The following HDAC9 variants were observed in gnomAD, a reference collection of about 807,000 sequenced individuals.
HDAC9 encodes the protein histone deacetylase 9.
A neutral mutation model predicts 139.4 loss-of-function variants in HDAC9; 41 were observed. The ratio of observed to expected loss-of-function variants is 0.29; its 90% CI spans 0.23 to 0.38. HDAC9 has a LOEUF of 0.38. Ranked by LOEUF, HDAC9 falls within the 10% of genes least tolerant of loss-of-function variation. The pLI is 1.00. For synonymous variants in HDAC9, 517 were observed against 476.2 expected (o/e 1.09, Z -1.12); for missense variants, 1,147 against 1,297.0 (o/e 0.88, Z 1.78).
At chr7:18,944,341 G>A (rs1420853875) in intron 23 of HDAC9, among the ~76,000 whole-genome samples, 1 of 152,126 alleles carries the variant, frequency 6.6e-6, no homozygotes, top group Non-Finnish European at 1.5e-5. Flanking sequence ...GTTGCAGGGG[G>A]ACTTTCAGCT....
At chr7:18,610,802 A>G (rs987453139) in intron 6 of HDAC9, among the ~76,000 whole-genome samples, 2 of 152,210 alleles carry the variant, frequency 1.3e-5, no homozygotes, top group African/African-American at 4.8e-5. Context: ...GCCCCAAAAC[A>G]GTGATGTTGA....
At chr7:18,688,468 AT>A (rs976793198) in intron 12 of HDAC9, among the ~76,000 whole-genome samples, 24 of 151,878 alleles carry the variant, frequency 1.6e-4, no homozygotes, top group Admixed American at 1.2e-3. Flanking sequence ...TTTTAGAAAT[AT>A]TTTTACATAT....
chr7:18,650,789 A>T (rs1161248809), intron 11 of HDAC9, among the ~76,000 whole-genome samples: 2 of 152,184 alleles, frequency 1.3e-5, no homozygotes, highest in Non-Finnish European at 2.9e-5. Flanking sequence ...TAATTAGGCA[A>T]AATGAAGACC....
chr7:18,643,413 C>G (rs544327413), intron 8 of HDAC9, among the ~76,000 whole-genome samples: 1 of 152,196 alleles, frequency 6.6e-6, no homozygotes, highest in South Asian at 2.1e-4. Flanking sequence ...TAAGAAGTAA[C>G]AAAATCTGAA....
At chr7:18,677,646 G>A (rs961010564) in intron 12 of HDAC9, among the ~76,000 whole-genome samples, 4 of 151,732 alleles carry the variant, frequency 2.6e-5, no homozygotes, top group African/African-American at 4.8e-5. Flanking sequence ...TGATATTGTC[G>A]GGTTTTTCTA....
intron 2 of HDAC9, among the ~76,000 whole-genome samples, chr7:18,541,646 G>A (rs995757401): frequency 3.3e-5 from 5 of 152,062 alleles, no homozygotes; most frequent in East Asian, 1.9e-4. Context: ...AAATATTTTT[G>A]TTGGAACAGA....
At chr7:18,366,279 C>T (rs1474621755) in intron 1 of HDAC9, among the ~76,000 whole-genome samples, 4 of 152,126 alleles carry the variant, frequency 2.6e-5, no homozygotes, top group Admixed American at 2.0e-4. Flanking sequence ...AGTGGAGGTT[C>T]TGTCACAAAC....
intron 2 of HDAC9, among the ~76,000 whole-genome samples, chr7:18,238,877 G>A (rs375072081): frequency 3.3e-5 from 5 of 152,320 alleles, no homozygotes; most frequent in African/African-American, 9.6e-5. Context: ...TTAGGGAGGT[G>A]TGGAACAGAC....
intron 2 of HDAC9, among the ~76,000 whole-genome samples, chr7:18,163,355 A>G (rs1298827124): frequency 6.6e-6 from 1 of 152,236 alleles, no homozygotes; most frequent in South Asian, 2.1e-4. Flanking sequence ...TCACTAGGTT[A>G]GGCAGATGGC....
At chr7:18,816,613 G>A (rs142017956) in intron 17 of HDAC9, among the ~76,000 whole-genome samples, 153 of 152,324 alleles carry the variant, frequency 1.0e-3, no homozygotes, top group African/African-American at 3.5e-3. Flanking sequence ...TGATGCAGGA[G>A]GAAAGACTTC....
At position 18,960,009 on chromosome 7, in the gene HDAC9, AACAC is replaced by A. The variant is rs58030908; in HGVS notation, c.3022+5809_3022+5812del. Reference sequence around the variant, plus strand: ...GTATAGCTAATCCTCTGTTGTTTTAAACACACACACACACACACACACACACACA... The same window carrying A: ...GTATAGCTAATCCTCTGTTGTTTTAAACACACACACACACACACACACACA... On this transcript the variant is annotated intron_variant, in intron 24 of 25. Coordinates refer to ENST00000686413, the MANE Select transcript of HDAC9 (RefSeq NM_178425.4). Among the ~76,000 whole-genome samples, 1,413 of 149,014 alleles carry A rather than the reference AACAC, an allele frequency of 9.5e-3. 15 individuals are homozygous for A. Among genetic ancestry groups the A allele is most frequent in the South Asian group, 0.024 (114 of 4,710 alleles).
At chr7:18,810,908 T>C (rs991340835) in intron 17 of HDAC9, among the ~76,000 whole-genome samples, 8 of 151,884 alleles carry the variant, frequency 5.3e-5, no homozygotes, top group African/African-American at 1.9e-4. Context: ...CATTCTAGTT[T>C]TGGGCTATGA....
intron 21 of HDAC9, among the ~76,000 whole-genome samples, chr7:18,843,347 C>A (rs1488655080): frequency 1.3e-5 from 2 of 151,996 alleles, no homozygotes; most frequent in African/African-American, 4.8e-5. Context: ...TATTGTGGAG[C>A]ATTTTAAGGC....
chr7:18,600,922 C>T (rs1315105770), intron 6 of HDAC9, among the ~76,000 whole-genome samples: 3 of 152,118 alleles, frequency 2.0e-5, no homozygotes, highest in Non-Finnish European at 4.4e-5. Flanking sequence ...CCCGCCTCAG[C>T]CTCCTGAGTA....
intron 2 of HDAC9, among the ~76,000 whole-genome samples, chr7:18,210,332 A>G (rs1791848927): frequency 6.6e-6 from 1 of 152,224 alleles, no homozygotes; most frequent in Admixed American, 6.5e-5. Flanking sequence ...GTTGCTTATT[A>G]GCGTCATCGG....
At chr7:18,486,824 T>C (rs2128131889) in intron 1 of HDAC9, among the ~76,000 whole-genome samples, 1 of 152,180 alleles carries the variant, frequency 6.6e-6, no homozygotes, top group Non-Finnish European at 1.5e-5. Flanking sequence ...GAATGGGGAA[T>C]GATAATGCAG....
At chr7:18,940,051 C>T (rs1781918222) in intron 23 of HDAC9, among the ~76,000 whole-genome samples, 1 of 152,020 alleles carries the variant, frequency 6.6e-6, no homozygotes, top group Non-Finnish European at 1.5e-5. Flanking sequence ...TTGTTTTTGG[C>T]CAGGCCATGT....
intron 2 of HDAC9, among the ~76,000 whole-genome samples, chr7:18,553,929 GTA>G (rs1817926747): frequency 6.6e-6 from 1 of 152,190 alleles, no homozygotes; most frequent in African/African-American, 2.4e-5. Flanking sequence ...GTCTGGCTCA[GTA>G]TTTCTTATGA....
In HDAC9 at chr7:18,451,407, ATG is replaced by A. The variant is rs1217649292; in HGVS notation, c.-41-44841_-41-44840del. 8.0e-3 allele frequency among the ~76,000 whole-genome samples: 937 copies of A among 116,514 alleles called. 17 individuals carry two copies. The highest frequency in any genetic ancestry group is 0.053 in the Admixed American group (611 of 11,620). The allele number at this position is 116,514 out of a possible 152,430, so 76.4% of individuals were successfully genotyped here. ...TGTGTGTGTGTGTGTGTGTGTATATATGTGTGTGTGTGTGTATATATATGTGT... is the reference window on the plus strand; with the variant it reads ...TGTGTGTGTGTGTGTGTGTGTATATATGTGTGTGTGTGTATATATATGTGT... On this transcript the variant is annotated intron_variant, in intron 1 of 3. Transcript: ENST00000413509.
Sources: allele counts gnomAD v4.1 joint callset (sites outside exome capture counted in the v4.1 genomes callset), GRCh38; gene constraint gnomAD v4.1.1; transcripts MANE v1.5; gene names NCBI Gene and HGNC (gene_info 2026-07-23, HGNC 2026-07-21).